Variants in COLEC11 observed in about 807,000 individuals in gnomAD.
COLEC11 encodes the protein collectin subfamily member 11.
COLEC11 carries 20 observed loss-of-function variants against 27.3 expected under a neutral mutation model. The observed-to-expected ratio is 0.73, with a 90% CI of 0.51 to 1.06. The LOEUF is 1.06. COLEC11 is among the 50% of genes least tolerant of loss of function. The pLI is 0.00. For missense variants in COLEC11, 310 were observed against 383.0 expected (o/e 0.81, Z 1.59); for synonymous variants, 163 against 154.7 (o/e 1.05, Z -0.40).
intron 3 of COLEC11, among the ~76,000 whole-genome samples, chr2:3,631,663 C>T (rs1328904166): frequency 6.6e-6 from 1 of 151,646 alleles, no homozygotes; most frequent in East Asian, 1.9e-4. Context: ...ACGGCTGACA[C>T]AGGCGAGAGG....
intron 2 of COLEC11, among the ~76,000 whole-genome samples, chr2:3,609,991 A>T (rs540237679): frequency 6.6e-6 from 1 of 152,354 alleles, no homozygotes; most frequent in African/African-American, 2.4e-5. Context: ...CAGATTAGAG[A>T]CAGGCAGATG....
intron 3 of COLEC11, among the ~76,000 whole-genome samples, chr2:3,635,049 C>T (rs909382131): frequency 2.7e-4 from 38 of 140,396 alleles, no homozygotes; most frequent in African/African-American, 8.9e-4. Flanking sequence ...GCCCTCCTGG[C>T]CCTTGTCACC....
chr2:3,604,450 T>A lies in COLEC11; in HGVS notation c.110T>A (p.Ile37Asn), dbSNP rs1662476632. Residue 37 changes from isoleucine (I) to asparagine (N), a missense_variant, in exon 2 of 7, where the codon ATC becomes AAC. Ile to Asn is a moderately radical substitution (Grantham distance 149). Transcript: ENST00000349077. ...GGCGATGACGCCTGCTCTGTGCAGA[T>A]CCTCGTCCCTGGCCTCAAAGGTAAC... Reference protein sequence around the residue: ...PAGDDACSVQILVPGLKGDAG... With the variant: ...PAGDDACSVQNLVPGLKGDAG... 2 of 1,614,010 alleles carry A rather than the reference T, an allele frequency of 1.2e-6. No individual in the cohort carries two copies. Among genetic ancestry groups the A allele is most frequent in the South Asian group, 2.2e-5 (2 of 91,090 alleles).
intron 3 of COLEC11, among the ~76,000 whole-genome samples, chr2:3,616,969 G>A (rs1663802535): frequency 6.6e-6 from 1 of 152,160 alleles, no homozygotes; most frequent in Non-Finnish European, 1.5e-5. Flanking sequence ...TCCACTGATT[G>A]GTCAACAGAC....
intron 2 of COLEC11, chr2:3,604,885 T>C (rs1447666473): frequency 1.1e-5 from 4 of 376,702 alleles, no homozygotes; most frequent in African/African-American, 4.3e-5. Context: ...CATTGCTTCC[T>C]GAGAGCTCTT....
chr2:3,627,409 G>A (rs1475860760), intron 3 of COLEC11, among the ~76,000 whole-genome samples: 2 of 150,696 alleles, frequency 1.3e-5, no homozygotes, highest in African/African-American at 4.9e-5. Flanking sequence ...TGGGCACGAC[G>A]ATGGGCACAA....
intron 2 of COLEC11, among the ~76,000 whole-genome samples, chr2:3,607,916 C>T (rs1231308946): frequency 1.3e-5 from 2 of 152,168 alleles, no homozygotes; most frequent in Non-Finnish European, 2.9e-5. Flanking sequence ...GGCTGAGGTC[C>T]TGGCTTTCTC....
At chr2:3,634,812 G>A (rs1665265050) in intron 3 of COLEC11, among the ~76,000 whole-genome samples, 1 of 151,908 alleles carries the variant, frequency 6.6e-6, no homozygotes, top group Admixed American at 6.5e-5. Flanking sequence ...CTCTGGCAGG[G>A]CCCCCTCTGG....
intron 3 of COLEC11, among the ~76,000 whole-genome samples, chr2:3,621,060 A>T (rs1664151212): frequency 6.6e-6 from 1 of 152,180 alleles, no homozygotes; most frequent in Non-Finnish European, 1.5e-5. Flanking sequence ...AGTGTAGTTT[A>T]TGTACAATGT....
chr2:3,606,305 C>T, intron 2 of COLEC11: 1 of 1,418,026 alleles, frequency 7.1e-7, no homozygotes, highest in Non-Finnish European at 9.7e-7. Flanking sequence ...TGGGCGCCGC[C>T]TTTCCCAGGT....
At chr2:3,631,533 C>T (rs4423610) in intron 3 of COLEC11, among the ~76,000 whole-genome samples, 122,247 of 152,096 alleles carry the variant, frequency 0.8, 49,168 homozygotes, top group East Asian at 0.89. Context: ...CTGAGGGGAC[C>T]GTGGAAAGGG....
In COLEC11 at chr2:3,625,920, G is replaced by A. The variant is rs111455909; in HGVS notation, c.203-11613G>A. ...AGTGCCGGGATTATAGGCATGAGCCGCCATACCTGGCAGACTTTGCAAAGT... is the reference window on the plus strand; with the variant it reads ...AGTGCCGGGATTATAGGCATGAGCCACCATACCTGGCAGACTTTGCAAAGT... On this transcript the variant is annotated intron_variant, in intron 3 of 6. Coordinates refer to ENST00000349077, the MANE Select transcript of COLEC11 (RefSeq NM_024027.5). 5.0e-3 allele frequency: 6,007 copies of A among 1,191,116 alleles called. 53 individuals are homozygous for A. The highest frequency in any genetic ancestry group is 0.037 in the African/African-American group (2,455 of 67,088). 73.8% of individuals were successfully genotyped at this position (1,191,116 alleles called of 1,614,324 possible). A position where few individuals can be genotyped will look rare whatever the true frequency, so the allele number is the denominator to read the frequency against.
chr2:3,611,562 C>G (rs1663197951), intron 2 of COLEC11, among the ~76,000 whole-genome samples: 1 of 152,242 alleles, frequency 6.6e-6, no homozygotes, highest in Non-Finnish European at 1.5e-5. Flanking sequence ...GTCAATACTT[C>G]TCTTTTCTTC....
intron 1 of COLEC11, among the ~76,000 whole-genome samples, chr2:3,597,024 ACT>A (rs1234697702): frequency 4.6e-5 from 7 of 152,184 alleles, no homozygotes; most frequent in Non-Finnish European, 1.0e-4. Flanking sequence ...GTGGACAGAA[ACT>A]CTGTGAATGG....
At chr2:3,619,286 G>A (rs1189318459) in intron 3 of COLEC11, among the ~76,000 whole-genome samples, 1 of 149,624 alleles carries the variant, frequency 6.7e-6, no homozygotes, top group Non-Finnish European at 1.5e-5. Context: ...TAATTGTTCT[G>A]GCTAGGACTT....
chr2:3,603,721 G>C, intron 1 of COLEC11: 1 of 1,529,296 alleles, frequency 6.5e-7, no homozygotes, highest in Non-Finnish European at 8.9e-7. Flanking sequence ...CTCTTCCTAT[G>C]GGCTCGGCCC....
intron 3 of COLEC11, among the ~76,000 whole-genome samples, chr2:3,627,451 A>G (rs758785199): frequency 1.7e-4 from 26 of 150,306 alleles, no homozygotes; most frequent in Admixed American, 3.3e-4. Flanking sequence ...TCTGGGCACA[A>G]TGACACTGGG....
chr2:3,632,632 C>T lies in COLEC11; in HGVS notation c.203-4901C>T, dbSNP rs116442106. On this transcript the variant is annotated intron_variant, in intron 3 of 6. Coordinates refer to ENST00000349077, the MANE Select transcript of COLEC11 (RefSeq NM_024027.5). ...ACTCACACTGGGGTTAGGGCTCCATCGTCAGAATTTTGGAGGATGTAATTC... is the reference window on the plus strand; with the variant it reads ...ACTCACACTGGGGTTAGGGCTCCATTGTCAGAATTTTGGAGGATGTAATTC... Among the ~76,000 whole-genome samples, 1,201 of 152,288 alleles carry T rather than the reference C, an allele frequency of 7.9e-3. 12 individuals are homozygous for T. The highest frequency in any genetic ancestry group is 0.028 in the African/African-American group (1,154 of 41,546).
chr2:3,625,813 A>T (rs1388943846), intron 3 of COLEC11, among the ~76,000 whole-genome samples: 1 of 151,662 alleles, frequency 6.6e-6, no homozygotes, highest in Non-Finnish European at 1.5e-5. Flanking sequence ...TTGTATTTTT[A>T]GTGGAGACGG....
Sources: gnomAD v4.1 joint callset for allele counts (sites outside exome capture counted in the v4.1 genomes callset) on GRCh38, gnomAD v4.1.1 for gene constraint, MANE v1.5 for transcripts, NCBI Gene and HGNC (gene_info 2026-07-23, HGNC 2026-07-21) for gene names.